Variants in FGF3 observed in about 807,000 individuals in gnomAD.
FGF3 encodes the protein FGF-3.
In FGF3, 7 loss-of-function variants were observed where a neutral mutation model predicts 9.8. The observed-to-expected ratio is 0.72, with a 90% CI of 0.41 to 1.35. The LOEUF (loss-of-function observed/expected upper bound fraction) is 1.35. Ranked by LOEUF, FGF3 falls within the 40% of genes most tolerant of loss-of-function variation. The pLI, the probability that FGF3 is intolerant of heterozygous loss-of-function variation, is 0.01. For synonymous variants in FGF3, 173 were observed against 157.2 expected, an observed-to-expected ratio of 1.10 and a Z score of -0.75; for missense variants, 390 against 345.6, an observed-to-expected ratio of 1.13 and a Z score of -1.02.
intron 2 of FGF3, among the ~76,000 whole-genome samples, chr11:69,816,104 C>T (rs576605389): frequency 6.6e-6 from 1 of 152,278 alleles, no homozygotes; most frequent in Non-Finnish European, 1.5e-5. Flanking sequence ...TCCCAGGTCC[C>T]CCAGGGCCAG....
chr11:69,810,617 C>G lies in FGF3; in HGVS notation c.408G>C (p.Thr136=), dbSNP rs35420992. 3.7e-6 allele frequency: 6 copies of G among 1,607,118 alleles called. No individual in the cohort carries two copies. The African/African-American group carries it at 4.0e-5, about 11-fold the overall frequency. The change falls in exon 3 of 3, where the codon ACG becomes ACC. Residue 136 remains threonine (T), a synonymous_variant. Transcript: ENST00000334134. Reference sequence around the variant, plus strand: ...GGCGGGCCCCAGGCGTACTAGACACCGTCCGGTACAGCCGGGAGGCATACG... The same window carrying G: ...GGCGGGCCCCAGGCGTACTAGACACGGTCCGGTACAGCCGGGAGGCATACG... ...YNTYASRLYR[T]VSSTPGARRQ... is the part of the protein sequence containing the mutation.
Position 69,818,999 on chromosome 11 carries a change from G to A in FGF3, c.-66C>T. The A allele has an allele frequency of 8.9e-7, 1 of 1,127,404 alleles. No individual in the cohort carries two copies. Among genetic ancestry groups the A allele is most frequent in the Admixed American group, 3.2e-5 (1 of 31,562 alleles). The allele number at this position is 1,127,404 out of a possible 1,614,324, so 69.8% of individuals were successfully genotyped here. On this transcript the variant is annotated 5_prime_UTR_variant, in exon 1 of 3. Coordinates refer to ENST00000334134, the MANE Select transcript of FGF3 (RefSeq NM_005247.4). The stretch of plus-strand genomic sequence containing the variant: ...CGAGCGCGGCGCCCATGGAAGGGGC[G>A]GCAGCCGGACAGCTGCGAGGTGCTC...
In FGF3 at chr11:69,810,506, CTG is replaced by C; in HGVS notation, c.517_518del (p.Gln173GlufsTer31). On this transcript the variant is annotated frameshift_variant, in exon 3 of 3. Transcript: ENST00000334134. LOFTEE classifies it low-confidence loss of function (END_TRUNC). ...PRRGFKTRRT[Q>X]KSSLFLPRVL... ...CGCGGGGCAGGAACAGGGAGGACTTCTGTGTGCGGCGGGTCTTGAAGCCCCTG... is the reference window on the plus strand; with the variant it reads ...CGCGGGGCAGGAACAGGGAGGACTTCTGTGCGGCGGGTCTTGAAGCCCCTG... 2 of 1,611,084 alleles carry C rather than the reference CTG, an allele frequency of 1.2e-6. No individual in the cohort carries two copies. The highest frequency in any genetic ancestry group is 1.7e-6 in the Non-Finnish European group (2 of 1,178,996).
At position 69,818,984 on chromosome 11, in the gene FGF3, G is replaced by T; in HGVS notation, c.-51C>A. On this transcript the variant is annotated 5_prime_UTR_variant, in exon 1 of 3. Coordinates refer to ENST00000334134, the MANE Select transcript of FGF3 (RefSeq NM_005247.4). ...GGCGGCGGCTGCAGGCGAGCGCGGC[G>T]CCCATGGAAGGGGCGGCAGCCGGAC... The T allele has an allele frequency of 7.9e-7, 1 of 1,270,734 alleles. No homozygotes were observed. The highest frequency in any genetic ancestry group is 1.0e-6 in the Non-Finnish European group (1 of 954,420). 78.7% of individuals were successfully genotyped at this position (1,270,734 alleles called of 1,614,324 possible).
chr11:69,818,140 G>T (rs1856171259), intron 1 of FGF3, among the ~76,000 whole-genome samples: 1 of 152,180 alleles, frequency 6.6e-6, no homozygotes, highest in African/African-American at 2.4e-5. Flanking sequence ...GCTCCGCAGG[G>T]CAAGAGTCCT....
intron 2 of FGF3, among the ~76,000 whole-genome samples, chr11:69,811,582 G>T (rs891991171): frequency 2.6e-5 from 4 of 152,156 alleles, no homozygotes; most frequent in Non-Finnish European, 1.5e-5. Context: ...TAAACGCTGC[G>T]CTCAGGGGCC....
In FGF3 at chr11:69,818,777, T is replaced by C; in HGVS notation, c.157A>G (p.Lys53Glu). ...PRRRKLYCAT[K>E]YHLQLHPSGR... is the part of the protein sequence containing the mutation. ...CTCGGGTGCAGCTGGAGGTGGTACT[T>C]CGTGGCGCAGTAGAGCTTGCGGCGC... The change falls in exon 1 of 3, where the codon AAG (lysine) becomes GAG (glutamate). Residue 53 changes from lysine (K) to glutamate (E), a missense_variant. Physicochemically the swap from Lys to Glu is moderately conservative, Grantham distance 56. Coordinates refer to ENST00000334134, the MANE Select transcript of FGF3 (RefSeq NM_005247.4). 1 of 1,497,204 alleles carries C rather than the reference T, an allele frequency of 6.7e-7. No individual in the cohort carries two copies. 92.7% of individuals were successfully genotyped at this position (1,497,204 alleles called of 1,614,324 possible).
At chr11:69,811,931 G>A (rs895847865) in intron 2 of FGF3, among the ~76,000 whole-genome samples, 19 of 152,194 alleles carry the variant, frequency 1.2e-4, no homozygotes, top group Non-Finnish European at 1.2e-4. Flanking sequence ...AGACTTGGCC[G>A]TGGGAGTTTC....
chr11:69,810,814 AC>A, intron 2 of FGF3, 114 bp from the exon 3 acceptor site: 1 of 863,268 alleles, frequency 1.2e-6, no homozygotes, highest in Non-Finnish European at 1.7e-6. Flanking sequence ...CCAGTGCCAA[AC>A]CCCAGCGCAC....
intron 2 of FGF3, among the ~76,000 whole-genome samples, chr11:69,812,105 A>G (rs563688846): frequency 6.6e-6 from 1 of 152,268 alleles, no homozygotes; most frequent in South Asian, 2.1e-4. Context: ...CCTCCAAACC[A>G]GAAAGGGTGG....
At chr11:69,818,655 C>T (rs2119938711) in intron 1 of FGF3, 59 bp downstream of exon 1, 1 of 1,329,848 alleles carries the variant, frequency 7.5e-7, no homozygotes, top group Non-Finnish European at 9.8e-7. Context: ...GCGCCTTCTC[C>T]CGGGCCCGAC....
chr11:69,814,990 G>A (rs1554980934), intron 2 of FGF3, among the ~76,000 whole-genome samples: 1 of 152,210 alleles, frequency 6.6e-6, no homozygotes, highest in Non-Finnish European at 1.5e-5. Context: ...CTGATGAATG[G>A]ACTGAATGTC....
In FGF3 at chr11:69,816,331, G is replaced by C; in HGVS notation, c.313C>G (p.Leu105Val). ...RYLAMNKRGR[L>V]YASEHYSAEC... ...CAGCCTGGACTCACCGAAGCATAGAGTCGTCCCCTCTTGTTCATGGCCAGG... is the reference window on the plus strand; with the variant it reads ...CAGCCTGGACTCACCGAAGCATAGACTCGTCCCCTCTTGTTCATGGCCAGG... Residue 105 changes from leucine to valine, a missense_variant, in exon 2 of 3, where the codon CTC becomes GTC. Physicochemically the swap from Leu to Val is conservative, Grantham distance 32 (BLOSUM62 1). Coordinates refer to ENST00000334134, the MANE Select transcript of FGF3 (RefSeq NM_005247.4). 4 of 1,613,576 alleles carry C rather than the reference G, an allele frequency of 2.5e-6. No individual in the cohort carries two copies. The highest frequency in any genetic ancestry group is 3.4e-6 in the Non-Finnish European group (4 of 1,179,524).
chr11:69,815,868 C>T (rs1226240165), intron 2 of FGF3, among the ~76,000 whole-genome samples: 3 of 152,172 alleles, frequency 2.0e-5, no homozygotes, highest in African/African-American at 7.2e-5. Context: ...TCAGCTCTCG[C>T]CTTTCCACCC....
At chr11:69,812,292 G>C (rs1176541124) in intron 2 of FGF3, among the ~76,000 whole-genome samples, 1 of 152,152 alleles carries the variant, frequency 6.6e-6, no homozygotes, top group Non-Finnish European at 1.5e-5. Context: ...GGACCGAGCA[G>C]CATCTGACCT....
intron 1 of FGF3, among the ~76,000 whole-genome samples, chr11:69,818,120 A>G (rs1027638192): frequency 6.6e-6 from 1 of 152,086 alleles, no homozygotes; most frequent in Non-Finnish European, 1.5e-5. Context: ...GGCCGCGGCC[A>G]GGGAACCGAG....
At chr11:69,814,881 T>G (rs1162408269) in intron 2 of FGF3, among the ~76,000 whole-genome samples, 10 of 152,198 alleles carry the variant, frequency 6.6e-5, no homozygotes. Flanking sequence ...GACCCCCTCA[T>G]GTCATGCTTT....
chr11:69,810,724 C>A, intron 2 of FGF3, 24 bp from the exon 3 acceptor site: 1 of 1,556,456 alleles, frequency 6.4e-7, no homozygotes, highest in South Asian at 1.2e-5. Context: ...ATATCATGGT[C>A]AGTGCCCCGG....
chr11:69,813,022 T>G (rs1316634015), intron 2 of FGF3, among the ~76,000 whole-genome samples: 4 of 152,022 alleles, frequency 2.6e-5, no homozygotes, highest in Non-Finnish European at 5.9e-5. Flanking sequence ...GCTACTGCAG[T>G]TGGGACTCGC....
Sources: allele counts gnomAD v4.1 joint callset (sites outside exome capture counted in the v4.1 genomes callset), GRCh38; gene constraint gnomAD v4.1.1; transcripts MANE v1.5; gene names NCBI Gene and HGNC (gene_info 2026-07-23, HGNC 2026-07-21).